Variants in USP7 observed in about 807,000 individuals in gnomAD.
USP7 encodes the protein ubiquitin C-terminal hydrolase 7.
A neutral mutation model predicts 162.9 loss-of-function variants in USP7; 9 were observed. The ratio of observed to expected loss-of-function variants is 0.06; its 90% CI spans 0.03 to 0.10. The LOEUF (loss-of-function observed/expected upper bound fraction) is 0.10. USP7 is among the 10% of genes least tolerant of loss of function. USP7 has a pLI of 1.00. For missense variants in USP7, 715 were observed against 1,373.7 expected (o/e 0.52, Z 7.58); for synonymous variants, 562 against 475.9 (o/e 1.18, Z -2.35).
intron 1 of USP7, among the ~76,000 whole-genome samples, chr16:8,952,212 T>C (rs1049593756): frequency 2.0e-5 from 3 of 152,140 alleles, no homozygotes; most frequent in Non-Finnish European, 4.4e-5. Flanking sequence ...ATTGCGCCAC[T>C]GAATTCCAGC....
intron 11 of USP7, among the ~76,000 whole-genome samples, chr16:8,909,912 C>G (rs1174569210): frequency 6.6e-6 from 1 of 151,892 alleles, no homozygotes; most frequent in Non-Finnish European, 1.5e-5. Flanking sequence ...GGGAACAGAC[C>G]GAGTCTCCGT....
chr16:8,911,501 G>C (rs570405949), intron 10 of USP7, among the ~76,000 whole-genome samples: 3 of 152,186 alleles, frequency 2.0e-5, no homozygotes, highest in Admixed American at 6.5e-5. Flanking sequence ...GTCCTGCTCC[G>C]GTCATGAAGG....
At chr16:8,895,530 C>T in intron 27 of USP7, 112 bp downstream of exon 27, 1 of 931,486 alleles carries the variant, frequency 1.1e-6, no homozygotes, top group Non-Finnish European at 1.7e-6. Context: ...ACCTCGATTA[C>T]TGGTATAAAA....
intron 2 of USP7, among the ~76,000 whole-genome samples, chr16:8,927,447 T>A (rs1184399853): frequency 6.6e-6 from 1 of 152,214 alleles, no homozygotes; most frequent in Non-Finnish European, 1.5e-5. Flanking sequence ...CTCTTCATTC[T>A]AATACAACTT....
intron 1 of USP7, among the ~76,000 whole-genome samples, chr16:8,935,471 A>G (rs956883671): frequency 6.6e-6 from 1 of 152,172 alleles, no homozygotes; most frequent in Non-Finnish European, 1.5e-5. Context: ...TCGGCCTCCC[A>G]AAGTGCTGGG....
At chr16:8,917,401 C>T (rs1310273688) in intron 6 of USP7, among the ~76,000 whole-genome samples, 2 of 152,216 alleles carry the variant, frequency 1.3e-5, no homozygotes. Context: ...CCACGTGACA[C>T]GAAGTCTCAC....
intron 1 of USP7, among the ~76,000 whole-genome samples, chr16:8,942,414 T>C (rs1899089839): frequency 6.6e-6 from 1 of 152,196 alleles, no homozygotes; most frequent in Non-Finnish European, 1.5e-5. Flanking sequence ...GCTCCTTTGC[T>C]GTTCTGCAGC....
rs147891455 is a variant in USP7, at chr16:8,919,173, C to T, written c.612-34G>A. Reference sequence around the variant, plus strand: ...TCAGTTCAAGGTTGAGGGGATCTTGCAGATACCCCATTGCTCCTGCAGTGT... The same window carrying T: ...TCAGTTCAAGGTTGAGGGGATCTTGTAGATACCCCATTGCTCCTGCAGTGT... On this transcript the variant is annotated intron_variant, in intron 5 of 30. Transcript: ENST00000344836. The T allele has an allele frequency of 8.6e-4, 1,381 of 1,598,246 alleles. 8 individuals are homozygous for T. In the African/African-American group the frequency reaches 0.016, roughly 19 times the overall value.
At chr16:8,930,806 T>C (rs1018594349) in intron 1 of USP7, among the ~76,000 whole-genome samples, 2 of 152,080 alleles carry the variant, frequency 1.3e-5, no homozygotes, top group African/African-American at 2.4e-5. Flanking sequence ...CCGTCTCTAC[T>C]AGAAATGCAA....
At position 8,899,765 on chromosome 16, in the gene USP7, A is replaced by AG. The variant is rs1156529116; in HGVS notation, c.2310-9dup. 1 of 1,614,116 alleles carries AG rather than the reference A, an allele frequency of 6.2e-7. No homozygotes were observed. Among genetic ancestry groups the AG allele is most frequent in the East Asian group, 2.2e-5 (1 of 44,876 alleles). On this transcript the variant is annotated splice_polypyrimidine_tract_variant and intron_variant, in intron 21 of 30. Coordinates refer to ENST00000344836, the MANE Select transcript of USP7 (RefSeq NM_003470.3). ...TCATTTTCAGGGTCATCCCTGGTGG[A>AG]GGGAGAAAGTTTGCAGTCTGAATCA... is the stretch of plus-strand genomic sequence containing the variant.
chr16:8,903,149 G>A (rs2061804238), intron 16 of USP7, 119 bp downstream of exon 16: 2 of 1,358,614 alleles, frequency 1.5e-6, no homozygotes, highest in Non-Finnish European at 1.0e-6. Flanking sequence ...ACTCCTCACT[G>A]TTAGGCAGTG....
chr16:8,912,680 G>A (rs1258699610), intron 10 of USP7, among the ~76,000 whole-genome samples: 1 of 151,136 alleles, frequency 6.6e-6, no homozygotes, highest in East Asian at 1.9e-4. Context: ...CCAGCACTTC[G>A]GGAGGCCAAG....
intron 2 of USP7, among the ~76,000 whole-genome samples, chr16:8,927,273 G>C (rs1418326879): frequency 6.6e-6 from 1 of 150,842 alleles, no homozygotes; most frequent in Non-Finnish European, 1.5e-5. Flanking sequence ...GGTGAACCGA[G>C]ATTGCGCCAC....
intron 11 of USP7, among the ~76,000 whole-genome samples, chr16:8,910,006 C>A (rs2061919722): frequency 2.0e-5 from 3 of 152,176 alleles, no homozygotes; most frequent in Non-Finnish European, 1.5e-5. Flanking sequence ...ACATTTGGAG[C>A]TGACAGCTGA....
intron 28 of USP7, 31 bp from the exon 29 acceptor site, chr16:8,894,886 G>A (rs765162773): frequency 4.8e-5 from 78 of 1,614,018 alleles, no homozygotes; most frequent in Non-Finnish European, 6.6e-5. Context: ...TGCTCACACA[G>A]TCACTCCCAG....
At chr16:8,946,795 G>A (rs1899306550) in intron 1 of USP7, among the ~76,000 whole-genome samples, 1 of 152,204 alleles carries the variant, frequency 6.6e-6, no homozygotes, top group Admixed American at 6.5e-5. Flanking sequence ...CACCTACAGA[G>A]CAAACAGCAG....
At chr16:8,941,625 T>C (rs1012975738) in intron 1 of USP7, among the ~76,000 whole-genome samples, 1 of 152,228 alleles carries the variant, frequency 6.6e-6, no homozygotes, top group African/African-American at 2.4e-5. Context: ...AGTATCTTCC[T>C]TCTAGTACCT....
Position 8,899,205 on chromosome 16 carries a change from A to C in USP7, c.2464-17T>G. ...CTTTGCAACCTAAGACACAGAAAGGAAGGTTCACATTTTGGGGAAAAATTG... is the reference window on the plus strand; with the variant it reads ...CTTTGCAACCTAAGACACAGAAAGGCAGGTTCACATTTTGGGGAAAAATTG... On this transcript the variant is annotated splice_polypyrimidine_tract_variant and intron_variant, in intron 22 of 30. Transcript: ENST00000344836. 1 of 1,613,256 alleles carries C rather than the reference A, an allele frequency of 6.2e-7. No homozygotes were observed. Among genetic ancestry groups the C allele is most frequent in the Non-Finnish European group, 8.5e-7 (1 of 1,179,752 alleles).
At chr16:8,933,387 A>C (rs1011511715) in intron 1 of USP7, among the ~76,000 whole-genome samples, 5 of 152,356 alleles carry the variant, frequency 3.3e-5, no homozygotes, top group Admixed American at 1.3e-4. Context: ...AACTCTATTA[A>C]AAACAAAAAA....
Sources: gnomAD v4.1 joint callset for allele counts (sites outside exome capture counted in the v4.1 genomes callset) on GRCh38, gnomAD v4.1.1 for gene constraint, MANE v1.5 for transcripts, NCBI Gene and HGNC (gene_info 2026-07-23, HGNC 2026-07-21) for gene names.